Variants in RAD51B observed in about 807,000 individuals in gnomAD.
RAD51B encodes DNA repair protein RAD51 homolog 2.
Under a neutral mutation model 42.2 loss-of-function variants are expected in RAD51B, and 38 were observed. The observed-to-expected ratio is 0.90, with a 90% CI of 0.70 to 1.18. The LOEUF is 1.18. Ranked by LOEUF, RAD51B falls within the 50% of genes most tolerant of loss-of-function variation. The pLI, the probability that RAD51B is intolerant of heterozygous loss-of-function variation, is 0.00. For synonymous variants in RAD51B, 154 were observed against 145.2 expected (o/e 1.06, Z -0.43); for missense variants, 373 against 400.7 (o/e 0.93, Z 0.59).
At chr14:68,051,566 G>T (rs1365426691) in intron 7 of RAD51B, among the ~76,000 whole-genome samples, 1 of 151,300 alleles carries the variant, frequency 6.6e-6, no homozygotes, top group East Asian at 1.9e-4. Context: ...GCTCATTATT[G>T]CACTTTGCTA....
chr14:68,203,523 G>A (rs959095603), intron 7 of RAD51B, among the ~76,000 whole-genome samples: 4 of 152,184 alleles, frequency 2.6e-5, no homozygotes, highest in African/African-American at 9.7e-5. Flanking sequence ...TGGGTTTTCA[G>A]AATGGTAAAT....
chr14:68,541,225 T>A, intron 10 of RAD51B: 2 of 985,430 alleles, frequency 2.0e-6, no homozygotes, highest in Non-Finnish European at 1.2e-6. Context: ...TTCGGGCTCC[T>A]CTTTTCTTGA....
chr14:68,563,945 G>T (rs1889289050), intron 10 of RAD51B: 2 of 975,194 alleles, frequency 2.1e-6, no homozygotes, highest in Non-Finnish European at 2.4e-6. Flanking sequence ...CCCTGATAGA[G>T]AACTCTTGGG....
intron 1 of RAD51B, among the ~76,000 whole-genome samples, chr14:67,820,871 G>C (rs1365320652): frequency 6.6e-6 from 1 of 152,046 alleles, no homozygotes; most frequent in South Asian, 2.1e-4. Flanking sequence ...GTAAAACAAG[G>C]GTTTTAAGGA....
At chr14:68,347,075 G>T (rs1247830224) in intron 8 of RAD51B, among the ~76,000 whole-genome samples, 1 of 151,430 alleles carries the variant, frequency 6.6e-6, no homozygotes, top group Non-Finnish European at 1.5e-5. Flanking sequence ...TCCCTTCCAT[G>T]TCTATAATCC....
At chr14:68,279,942 C>T (rs949259690) in intron 7 of RAD51B, among the ~76,000 whole-genome samples, 1 of 152,208 alleles carries the variant, frequency 6.6e-6, no homozygotes, top group Non-Finnish European at 1.5e-5. Context: ...TATTCCAGAT[C>T]CCAGTGTTGT....
intron 11 of RAD51B, among the ~76,000 whole-genome samples, chr14:68,660,013 C>T (rs966761066): frequency 7.9e-5 from 12 of 152,200 alleles, no homozygotes; most frequent in East Asian, 7.7e-4. Context: ...CTGTGAGATT[C>T]CTATTGATGT....
At chr14:68,215,711 T>A (rs1475676812) in intron 7 of RAD51B, among the ~76,000 whole-genome samples, 1 of 152,212 alleles carries the variant, frequency 6.6e-6, no homozygotes, top group Non-Finnish European at 1.5e-5. Context: ...GCCTAGTAGC[T>A]GAGGCAGGGC....
intron 7 of RAD51B, among the ~76,000 whole-genome samples, chr14:68,086,346 G>A (rs913560594): frequency 1.3e-5 from 2 of 152,014 alleles, no homozygotes; most frequent in African/African-American, 4.8e-5. Flanking sequence ...TCCTCTCAAC[G>A]TCCAGCCACC....
chr14:68,599,812 A>C (rs1891146553), downstream of RAD51B, among the ~76,000 whole-genome samples: 1 of 152,228 alleles, frequency 6.6e-6, no homozygotes, highest in African/African-American at 2.4e-5. Flanking sequence ...AAATTCTGTG[A>C]AAGTCTCAGG....
chr14:68,347,620 C>T (rs1393659974), intron 8 of RAD51B, among the ~76,000 whole-genome samples: 1 of 152,162 alleles, frequency 6.6e-6, no homozygotes, highest in Non-Finnish European at 1.5e-5. Context: ...TGTAGTGAGC[C>T]ATGATTGTGC....
intron 10 of RAD51B, among the ~76,000 whole-genome samples, chr14:68,624,021 A>C (rs1165053046): frequency 1.3e-5 from 2 of 152,290 alleles, no homozygotes; most frequent in Middle Eastern, 3.4e-3. Context: ...TTTGGTCAGG[A>C]AGGGGGCCTC....
At chr14:68,102,253 A>T (rs536420084) in intron 7 of RAD51B, among the ~76,000 whole-genome samples, 1 of 152,132 alleles carries the variant, frequency 6.6e-6, no homozygotes, top group Non-Finnish European at 1.5e-5. Flanking sequence ...CATTTTCTCC[A>T]TTGTCTTGGC....
chr14:68,654,762 G>A (rs1370528025), intron 11 of RAD51B, among the ~76,000 whole-genome samples: 1 of 152,150 alleles, frequency 6.6e-6, no homozygotes, highest in Non-Finnish European at 1.5e-5. Flanking sequence ...AAACTTGCCT[G>A]CAAGTTATTT....
intron 10 of RAD51B, among the ~76,000 whole-genome samples, chr14:68,581,813 T>C (rs1287949813): frequency 6.6e-6 from 1 of 151,990 alleles, no homozygotes; most frequent in Non-Finnish European, 1.5e-5. Context: ...AACAGATACA[T>C]AGACAAATGG....
chr14:68,673,989 A>G (rs1893245947), intron 11 of RAD51B, among the ~76,000 whole-genome samples: 1 of 152,158 alleles, frequency 6.6e-6, no homozygotes, highest in African/African-American at 2.4e-5. Context: ...CATACTGTAC[A>G]CACATATATA....
chr14:68,575,618 A>G (rs916050578), intron 10 of RAD51B, among the ~76,000 whole-genome samples: 12 of 152,150 alleles, frequency 7.9e-5, no homozygotes, highest in Admixed American at 1.3e-4. Flanking sequence ...ACCCATGGTG[A>G]ATGGGGATTC....
chr14:68,337,356 C>A (rs1467619339), intron 8 of RAD51B, among the ~76,000 whole-genome samples: 2 of 152,036 alleles, frequency 1.3e-5, no homozygotes, highest in African/African-American at 2.4e-5. Context: ...CCTGAAATAC[C>A]CCCTCAGAAC....
Position 68,237,309 on chromosome 14 carries a change from G to A in RAD51B, c.757-54575G>A, listed in dbSNP as rs571485375. On this transcript the variant is annotated intron_variant, in intron 7 of 10. Coordinates refer to ENST00000471583, the MANE Select transcript of RAD51B (RefSeq NM_133510.4). ...TCTTCCTGCTGTTAACTGAAGCAAT[G>A]AAAAATAAACAAATCTAGATAGCCC... 8.1e-4 allele frequency among the ~76,000 whole-genome samples: 123 copies of A among 152,250 alleles called. 1 individual carries two copies. Among genetic ancestry groups the A allele is most frequent in the Middle Eastern group, 3.4e-3 (1 of 294 alleles).
Sources: gnomAD v4.1 joint callset for allele counts (sites outside exome capture counted in the v4.1 genomes callset) on GRCh38, gnomAD v4.1.1 for gene constraint, MANE v1.5 for transcripts, NCBI Gene and HGNC (gene_info 2026-07-23, HGNC 2026-07-21) for gene names.